Variants in SBF2 observed in about 807,000 individuals in gnomAD.
SBF2 encodes SET binding factor 2.
Under a neutral mutation model 225.2 loss-of-function variants are expected in SBF2, and 112 were observed. That is an observed-to-expected ratio of 0.50 (90% CI 0.43 to 0.58). The LOEUF is 0.58. SBF2 is among the 20% of genes least tolerant of loss of function. SBF2 has a pLI of 0.00. For synonymous variants in SBF2, 763 were observed against 773.3 expected (o/e 0.99, Z 0.22); for missense variants, 1,996 against 2,206.2 (o/e 0.90, Z 1.91).
intron 2 of SBF2, among the ~76,000 whole-genome samples, chr11:10,072,932 T>C (rs776059995): frequency 4.0e-5 from 6 of 151,760 alleles, no homozygotes; most frequent in East Asian, 1.9e-4. Context: ...TCATCATCAT[T>C]ATTTTTGGTA....
intron 16 of SBF2, among the ~76,000 whole-genome samples, chr11:9,920,575 G>A (rs1157580649): frequency 1.3e-5 from 2 of 152,148 alleles, no homozygotes; most frequent in Non-Finnish European, 2.9e-5. Context: ...TCTGCTTATT[G>A]AGTTATAAAG....
At chr11:10,239,233 C>T (rs1487273317) in intron 1 of SBF2, among the ~76,000 whole-genome samples, 1 of 150,618 alleles carries the variant, frequency 6.6e-6, no homozygotes, top group African/African-American at 2.4e-5. Context: ...TTGTTTGCAA[C>T]ATAAAGCAAG....
intron 13 of SBF2, among the ~76,000 whole-genome samples, chr11:9,980,964 C>T (rs995228284): frequency 1.3e-5 from 2 of 151,978 alleles, no homozygotes; most frequent in African/African-American, 2.4e-5. Context: ...TGTTCTCTTT[C>T]AAAAAAGTAT....
intron 2 of SBF2, among the ~76,000 whole-genome samples, chr11:10,153,406 T>C (rs2135179819): frequency 6.6e-6 from 1 of 152,138 alleles, no homozygotes; most frequent in East Asian, 1.9e-4. Context: ...CTCACAATAT[T>C]AGGAACACAA....
intron 1 of SBF2, among the ~76,000 whole-genome samples, chr11:10,270,259 C>CA (rs1491209518): frequency 6.6e-6 from 1 of 152,032 alleles, no homozygotes; most frequent in Non-Finnish European, 1.5e-5. Context: ...TATGACTCCC[C>CA]AAAAAACTTT....
At chr11:9,802,546 A>G (rs1353313888) in intron 32 of SBF2, among the ~76,000 whole-genome samples, 1 of 152,206 alleles carries the variant, frequency 6.6e-6, no homozygotes, top group Non-Finnish European at 1.5e-5. Context: ...GGAAAGCTTC[A>G]CTTGCTGCTG....
At chr11:10,089,510 T>C (rs1951700086) in intron 2 of SBF2, among the ~76,000 whole-genome samples, 1 of 152,180 alleles carries the variant, frequency 6.6e-6, no homozygotes, top group Non-Finnish European at 1.5e-5. Flanking sequence ...GGTCAATCTT[T>C]TTCTCTATTC....
chr11:10,266,539 A>T (rs912263993), intron 1 of SBF2, among the ~76,000 whole-genome samples: 1 of 152,234 alleles, frequency 6.6e-6, no homozygotes, highest in African/African-American at 2.4e-5. Context: ...CAAAGATTAA[A>T]TACAAAGTGA....
intron 2 of SBF2, among the ~76,000 whole-genome samples, chr11:10,192,794 C>G (rs1957223987): frequency 6.6e-6 from 1 of 152,178 alleles, no homozygotes; most frequent in Non-Finnish European, 1.5e-5. Flanking sequence ...AATGTCCTCT[C>G]AACAGGACTG....
chr11:10,175,279 GA>G (rs1956407626), intron 2 of SBF2, among the ~76,000 whole-genome samples: 1 of 151,600 alleles, frequency 6.6e-6, no homozygotes, highest in Non-Finnish European at 1.5e-5. Flanking sequence ...CTCACGTGCA[GA>G]GACACACATA....
At chr11:10,105,116 TTCC>T (rs963855772) in intron 2 of SBF2, among the ~76,000 whole-genome samples, 1 of 152,192 alleles carries the variant, frequency 6.6e-6, no homozygotes, top group Non-Finnish European at 1.5e-5. Flanking sequence ...TTGGAAAGTA[TTCC>T]TCCTCCTCTA....
chr11:10,151,516 A>G (rs1292318201), intron 2 of SBF2, among the ~76,000 whole-genome samples: 1 of 152,242 alleles, frequency 6.6e-6, no homozygotes, highest in African/African-American at 2.4e-5. Context: ...ATCGCAAAGT[A>G]TACAGCAGGT....
chr11:9,948,540 T>C (rs1408389829), intron 16 of SBF2, among the ~76,000 whole-genome samples: 1 of 152,196 alleles, frequency 6.6e-6, no homozygotes, highest in East Asian at 1.9e-4. Flanking sequence ...TTCCTTGCCC[T>C]ACTCCTGCTG....
At chr11:9,805,941 G>A (rs1316694209) in intron 32 of SBF2, among the ~76,000 whole-genome samples, 1 of 152,184 alleles carries the variant, frequency 6.6e-6, no homozygotes, top group Non-Finnish European at 1.5e-5. Flanking sequence ...AGATGGTCTT[G>A]ATGAAGGGTG....
intron 6 of SBF2, among the ~76,000 whole-genome samples, chr11:10,003,395 C>G (rs557478081): frequency 5.3e-5 from 8 of 149,588 alleles, no homozygotes; most frequent in East Asian, 2.0e-4. Flanking sequence ...TGAGACGGAG[C>G]CTTGCTCTGT....
At chr11:10,041,612 A>C (rs1328492866) in intron 3 of SBF2, among the ~76,000 whole-genome samples, 1 of 152,236 alleles carries the variant, frequency 6.6e-6, no homozygotes, top group Non-Finnish European at 1.5e-5. Flanking sequence ...TAGTTTTAAC[A>C]CATCAGTCTA....
chr11:10,169,792 C>T (rs1956116171), intron 2 of SBF2, among the ~76,000 whole-genome samples: 1 of 152,154 alleles, frequency 6.6e-6, no homozygotes, highest in African/African-American at 2.4e-5. Flanking sequence ...TTTACATTCC[C>T]ACTAACACTG....
intron 28 of SBF2, among the ~76,000 whole-genome samples, chr11:9,827,542 A>T (rs896398070): frequency 3.9e-4 from 60 of 152,282 alleles, no homozygotes; most frequent in African/African-American, 1.4e-3. Flanking sequence ...TAAAAAAAAA[A>T]AAAAAAGAAT....
intron 13 of SBF2, among the ~76,000 whole-genome samples, chr11:9,978,800 A>G (rs1297644742): frequency 6.6e-6 from 1 of 152,150 alleles, no homozygotes; most frequent in Non-Finnish European, 1.5e-5. Flanking sequence ...GTTCCAGATC[A>G]GCCTGGGCAA....
Sources: allele counts gnomAD v4.1 joint callset (sites outside exome capture counted in the v4.1 genomes callset), GRCh38; gene constraint gnomAD v4.1.1; transcripts MANE v1.5; gene names NCBI Gene and HGNC (gene_info 2026-07-23, HGNC 2026-07-21).